The following FOCAD variants were observed in gnomAD, a reference collection of about 807,000 sequenced individuals.
FOCAD encodes the protein focadhesin, also known as KIAA1797.
In FOCAD, 198 loss-of-function variants were observed where a neutral mutation model predicts 225.6. The ratio of observed to expected loss-of-function variants is 0.88; its 90% CI spans 0.78 to 0.99. The LOEUF is 0.99. Among genes scored for constraint, FOCAD ranks in the 50% least tolerant of loss-of-function variants. FOCAD has a pLI of 0.00. For synonymous variants in FOCAD, 897 were observed against 755.0 expected, an observed-to-expected ratio of 1.19 and a Z score of -3.08; for missense variants, 2,713 against 2,123.6, an observed-to-expected ratio of 1.28 and a Z score of -5.46.
At chr9:20,670,559 A>G (rs968871155) in intron 2 of FOCAD, among the ~76,000 whole-genome samples, 1 of 152,122 alleles carries the variant, frequency 6.6e-6, no homozygotes, top group African/African-American at 2.4e-5. Flanking sequence ...ATCTTGTGAG[A>G]ATGCATTCAT....
At position 20,988,190 on chromosome 9, in the gene FOCAD, C is replaced by T. The variant is rs1351685453; in HGVS notation, c.4907-142C>T. 2.5e-5 allele frequency: 12 copies of T among 485,148 alleles called. No individual in the cohort carries two copies. The East Asian group carries it at 2.7e-4, about 11-fold the overall frequency. The allele number at this position is 485,148 out of a possible 1,614,324, so 30.1% of individuals were successfully genotyped here. A position where few individuals can be genotyped will look rare whatever the true frequency, so the allele number is the denominator to read the frequency against. Reference sequence around the variant, plus strand: ...AACTCTCTCACAGGCAGTCACAAGTCTCGGGTATTGCAAGGGAACATGAAA... The same window carrying T: ...AACTCTCTCACAGGCAGTCACAAGTTTCGGGTATTGCAAGGGAACATGAAA... On this transcript the variant is annotated intron_variant, in intron 40 of 43. Coordinates refer to ENST00000338382, the MANE Select transcript of FOCAD (RefSeq NM_001375567.1).
intron 18 of FOCAD, among the ~76,000 whole-genome samples, chr9:20,873,196 C>T (rs1005507348): frequency 2.6e-5 from 4 of 152,100 alleles, no homozygotes; most frequent in African/African-American, 9.7e-5. Context: ...AGGAGTGAAA[C>T]TCCTAGGCCA....
At chr9:20,795,725 A>G (rs1229712499) in intron 11 of FOCAD, among the ~76,000 whole-genome samples, 2 of 133,158 alleles carry the variant, frequency 1.5e-5, no homozygotes, top group Non-Finnish European at 3.1e-5. Context: ...CAGAGCTTAC[A>G]GTGAGCTGAG....
intron 26 of FOCAD, 100 bp from the exon 27 acceptor site, chr9:20,929,258 G>A (rs1835239382): frequency 4.7e-6 from 4 of 859,534 alleles, no homozygotes; most frequent in South Asian, 1.7e-5. Context: ...GGCCGGGGTG[G>A]ATCTAAGAGA....
At chr9:20,826,413 G>T (rs1256237490) in intron 15 of FOCAD, among the ~76,000 whole-genome samples, 1 of 152,048 alleles carries the variant, frequency 6.6e-6, no homozygotes, top group Non-Finnish European at 1.5e-5. Flanking sequence ...TTAAACCAGT[G>T]GTTTTCCAGG....
chr9:20,791,416 G>A (rs1820525665), intron 11 of FOCAD, among the ~76,000 whole-genome samples: 1 of 152,102 alleles, frequency 6.6e-6, no homozygotes, highest in Non-Finnish European at 1.5e-5. Flanking sequence ...GGTATAAAAT[G>A]TGCAATGATC....
intron 21 of FOCAD, among the ~76,000 whole-genome samples, chr9:20,889,671 G>C (rs1210017065): frequency 6.6e-6 from 1 of 152,154 alleles, no homozygotes; most frequent in Non-Finnish European, 1.5e-5. Context: ...AAATCAAGTA[G>C]TATGAGTCTT....
chr9:20,976,572 C>A, intron 36 of FOCAD, 24 bp downstream of exon 36: 1 of 1,608,516 alleles, frequency 6.2e-7, no homozygotes, highest in South Asian at 1.1e-5. Context: ...GTTTTTAAGT[C>A]TTCAGACTTT....
chr9:20,758,639 G>A (rs1350556378), intron 6 of FOCAD, among the ~76,000 whole-genome samples: 3 of 151,434 alleles, frequency 2.0e-5, no homozygotes, highest in South Asian at 2.1e-4. Context: ...TCTTGTGATA[G>A]TTTACTGAGA....
intron 35 of FOCAD, among the ~76,000 whole-genome samples, chr9:20,962,880 G>GTTTTTTCAA (rs1838884021): frequency 6.6e-6 from 1 of 152,156 alleles, no homozygotes; most frequent in Non-Finnish European, 1.5e-5. Flanking sequence ...TTGTTTGAAA[G>GTTTTTTCAA]ACAAAGCATT....
At chr9:20,766,093 G>C (rs1023741416) in intron 7 of FOCAD, among the ~76,000 whole-genome samples, 1 of 152,178 alleles carries the variant, frequency 6.6e-6, no homozygotes, top group African/African-American at 2.4e-5. Flanking sequence ...TCTTGAACTA[G>C]GGTACATTTT....
chr9:20,674,819 C>T (rs1288595248), intron 2 of FOCAD, among the ~76,000 whole-genome samples: 1 of 152,188 alleles, frequency 6.6e-6, no homozygotes, highest in Non-Finnish European at 1.5e-5. Flanking sequence ...TTTTCTTCTG[C>T]CCCATGGTTA....
At chr9:20,851,722 A>G (rs1348815541) in intron 15 of FOCAD, among the ~76,000 whole-genome samples, 1 of 151,856 alleles carries the variant, frequency 6.6e-6, no homozygotes, top group African/African-American at 2.4e-5. Context: ...TCAAGTGTAC[A>G]TTAAAGTTAA....
chr9:20,698,458 G>A (rs1823567290), intron 1 of FOCAD, among the ~76,000 whole-genome samples: 1 of 151,992 alleles, frequency 6.6e-6, no homozygotes, highest in African/African-American at 2.4e-5. Context: ...GGAGTGTAGT[G>A]CTGCAATCTT....
In FOCAD at chr9:20,781,873, G is replaced by T. The variant is rs1218899092; in HGVS notation, c.1141G>T (p.Ala381Ser). The T allele has an allele frequency of 1.9e-6, 3 of 1,613,926 alleles. No individual in the cohort carries two copies. The highest frequency in any genetic ancestry group is 2.7e-5 in the African/African-American group (2 of 74,904). ...AGAAGGTCCCTCTAGGCAGCAGTTG[G>T]CTCTAAACCTTTTGGAAATGATACA... ...DEEGPSRQQL[A>S]LNLLEMIQQE... is the part of the protein sequence containing the mutation. The change falls in exon 10 of 44, where the codon GCT becomes TCT. Residue 381 changes from alanine to serine, a missense_variant. Physicochemically the swap from Ala to Ser is moderately conservative, Grantham distance 99. Transcript: ENST00000338382.
At chr9:20,868,514 A>G (rs916587644) in intron 18 of FOCAD, among the ~76,000 whole-genome samples, 1 of 152,232 alleles carries the variant, frequency 6.6e-6, no homozygotes, top group East Asian at 1.9e-4. Context: ...AGTGTTAGCT[A>G]CTTCCTTAAT....
chr9:20,797,458 G>T (rs1370200170), intron 11 of FOCAD, among the ~76,000 whole-genome samples: 1 of 152,128 alleles, frequency 6.6e-6, no homozygotes, highest in African/African-American at 2.4e-5. Context: ...AGCATGGAAT[G>T]TTTTTCCATT....
intron 11 of FOCAD, among the ~76,000 whole-genome samples, chr9:20,806,838 A>T (rs1822512439): frequency 6.6e-6 from 1 of 152,208 alleles, no homozygotes; most frequent in South Asian, 2.1e-4. Flanking sequence ...TGGTTGCACT[A>T]ACCTGGGATT....
intron 34 of FOCAD, among the ~76,000 whole-genome samples, chr9:20,951,443 A>G (rs1223384101): frequency 6.6e-6 from 1 of 152,208 alleles, no homozygotes; most frequent in Non-Finnish European, 1.5e-5. Flanking sequence ...CATGAGTTAC[A>G]TACAGAGTTA....
Sources: allele counts gnomAD v4.1 joint callset (sites outside exome capture counted in the v4.1 genomes callset), GRCh38; gene constraint gnomAD v4.1.1; transcripts MANE v1.5; gene names NCBI Gene and HGNC (gene_info 2026-07-23, HGNC 2026-07-21).